The following MYPN variants were observed in gnomAD, a reference collection of about 807,000 sequenced individuals.
The protein encoded by MYPN is myopalladin.
MYPN carries 63 observed loss-of-function variants against 129.4 expected under a neutral mutation model. The ratio of observed to expected loss-of-function variants is 0.49; its 90% CI spans 0.40 to 0.60. The LOEUF (loss-of-function observed/expected upper bound fraction) is 0.60. Ranked by LOEUF, MYPN falls within the 20% of genes least tolerant of loss-of-function variation. The probability of loss-of-function intolerance (pLI) is 0.00; values close to 1 mark genes in which losing one functional copy is unlikely to be tolerated. For synonymous variants in MYPN, 629 were observed against 600.9 expected (o/e 1.05, Z -0.68); for missense variants, 1,596 against 1,635.4 (o/e 0.98, Z 0.42).
chr10:68,207,657 A>G (rs1373028326), intron 19 of MYPN, among the ~76,000 whole-genome samples: 1 of 152,016 alleles, frequency 6.6e-6, no homozygotes, highest in Non-Finnish European at 1.5e-5. Context: ...GAGCTGTCCT[A>G]ATAATAATAA....
At chr10:68,150,993 G>A (rs992481826) in intron 6 of MYPN, among the ~76,000 whole-genome samples, 2 of 152,082 alleles carry the variant, frequency 1.3e-5, no homozygotes, top group African/African-American at 4.8e-5. Flanking sequence ...AGAGTCATTG[G>A]CACTTTTGTT....
At chr10:68,123,491 A>G (rs1239928847) in intron 2 of MYPN, among the ~76,000 whole-genome samples, 1 of 151,094 alleles carries the variant, frequency 6.6e-6, no homozygotes, top group Non-Finnish European at 1.5e-5. Context: ...CCTGGCTAAA[A>G]AGGTGAAACC....
At chr10:68,210,243 T>A (rs1380866707) in intron 19 of MYPN, 43 bp from the exon 20 acceptor site, 1 of 1,609,768 alleles carries the variant, frequency 6.2e-7, no homozygotes, top group Non-Finnish European at 8.5e-7. Context: ...CATGCTGGAC[T>A]GCATTCCTTT....
Position 68,148,360 on chromosome 10 carries a change from A to G in MYPN, c.1138A>G (p.Lys380Glu). Residue 380 changes from lysine (K) to glutamate (E), a missense_variant, in exon 5 of 20, where the codon AAG becomes GAG. Transcript: ENST00000358913. ...ATTTTAATAATTTCTCAGAATCCAG[A>G]AGCCAAATGAGGTGTCATCTCCTCC... ...PNKEEMNRIQ[K>E]PNEVSSPPTT... 6.2e-7 allele frequency: 1 copy of G among 1,612,730 alleles called. No homozygotes were observed. Among genetic ancestry groups the G allele is most frequent in the South Asian group, 1.1e-5 (1 of 91,068 alleles).
intron 14 of MYPN, 85 bp from the exon 15 acceptor site, chr10:68,195,365 G>T (rs980068610): frequency 3.3e-6 from 4 of 1,229,744 alleles, no homozygotes; most frequent in Non-Finnish European, 3.6e-6. Context: ...AAAATTTCAC[G>T]GTGTTCTGGT....
At chr10:68,090,023 G>A (rs2041923962) in intron 1 of MYPN, among the ~76,000 whole-genome samples, 1 of 152,070 alleles carries the variant, frequency 6.6e-6, no homozygotes, top group Admixed American at 6.5e-5. Context: ...ATAGCGCCTT[G>A]CAGGTATTAG....
intron 12 of MYPN, among the ~76,000 whole-genome samples, chr10:68,180,392 C>T (rs2043296209): frequency 6.6e-6 from 1 of 152,164 alleles, no homozygotes; most frequent in Non-Finnish European, 1.5e-5. Flanking sequence ...CACCATTTTG[C>T]CCAGGCTGGT....
At position 68,121,448 on chromosome 10, in the gene MYPN, G is replaced by T; in HGVS notation, c.10G>T (p.Asp4Tyr). 2 of 1,610,256 alleles carry T rather than the reference G, an allele frequency of 1.2e-6. No homozygotes were observed. The highest frequency in any genetic ancestry group is 1.7e-6 in the Non-Finnish European group (2 of 1,178,568). Residue 4 changes from aspartate to tyrosine, a missense_variant, in exon 2 of 20, where the codon GAC becomes TAC. Coordinates refer to ENST00000358913, the MANE Select transcript of MYPN (RefSeq NM_032578.4). MQDDSIEASTSISQ... is the reference protein window; with the variant it reads MQDYSIEASTSISQ... ...ATTATTTTGTGACAGCATGCAAGACGACAGCATAGAAGCTTCTACTTCCAT... is the reference window on the plus strand; with the variant it reads ...ATTATTTTGTGACAGCATGCAAGACTACAGCATAGAAGCTTCTACTTCCAT...
chr10:68,104,572 C>T (rs1365596642), upstream of MYPN, among the ~76,000 whole-genome samples: 1 of 152,176 alleles, frequency 6.6e-6, no homozygotes, highest in Non-Finnish European at 1.5e-5. Context: ...CTCCAGTCTA[C>T]ATATCAATTC....
At chr10:68,097,953 T>C (rs1248220641) in intron 1 of MYPN, among the ~76,000 whole-genome samples, 1 of 152,148 alleles carries the variant, frequency 6.6e-6, no homozygotes, top group Non-Finnish European at 1.5e-5. Flanking sequence ...TCCTTAAAGA[T>C]CTCAATTTTA....
At chr10:68,141,558 A>G (rs2042579483) in intron 2 of MYPN, among the ~76,000 whole-genome samples, 1 of 152,184 alleles carries the variant, frequency 6.6e-6, no homozygotes, top group Non-Finnish European at 1.5e-5. Flanking sequence ...ATTATTTCAA[A>G]AAATGAAAAA....
At chr10:68,202,035 TG>T (rs2043724315) in intron 18 of MYPN, 41 bp downstream of exon 18, 2 of 1,611,206 alleles carry the variant, frequency 1.2e-6, no homozygotes, top group Non-Finnish European at 8.5e-7. Context: ...CCACTCTCAG[TG>T]GGGCTTGTTG....
intron 7 of MYPN, among the ~76,000 whole-genome samples, chr10:68,161,044 C>T (rs559060423): frequency 2.6e-5 from 4 of 152,322 alleles, no homozygotes; most frequent in African/African-American, 9.6e-5. Flanking sequence ...AGAACAATCT[C>T]TCAATCTTCA....
At chr10:68,106,868 G>A (rs1165883936), upstream of MYPN, 11 of 711,436 alleles carry the variant, frequency 1.5e-5, no homozygotes, top group Middle Eastern at 2.3e-4. Context: ...GCACAGGATC[G>A]TGTTCAAACC....
At chr10:68,130,163 A>T (rs954861629) in intron 2 of MYPN, among the ~76,000 whole-genome samples, 13 of 152,178 alleles carry the variant, frequency 8.5e-5, no homozygotes, top group Admixed American at 6.5e-4. Context: ...TAAAACTTTT[A>T]AAATATCCTG....
At chr10:68,143,246 G>A (rs2042605818) in intron 3 of MYPN, 131 bp downstream of exon 3, 3 of 799,150 alleles carry the variant, frequency 3.8e-6, no homozygotes, top group Admixed American at 2.4e-5. Context: ...GAACCGAGTA[G>A]AACAAAAATA....
rs886039179 is a variant in MYPN, at chr10:68,174,069, T to C, written c.1977T>C (p.Asp659=). The change falls in exon 11 of 20, where the codon GAT becomes GAC. Residue 659 remains aspartate, a synonymous_variant. Coordinates refer to ENST00000358913, the MANE Select transcript of MYPN (RefSeq NM_032578.4). ...TCCACCCTTGTTTTGTGTACAGTGA[T>C]TCCACTCAGTTACAACAGCTTCATA... is the stretch of plus-strand genomic sequence containing the variant. The part of the protein sequence containing the change: ...PPPVLAKPKL[D]STQLQQLHNQ... The C allele has an allele frequency of 8.1e-6, 13 of 1,611,720 alleles. No individual in the cohort carries two copies. Among genetic ancestry groups the C allele is most frequent in the Non-Finnish European group, 1.1e-5 (13 of 1,177,844 alleles).
intron 6 of MYPN, among the ~76,000 whole-genome samples, chr10:68,154,794 C>T (rs114390533): frequency 1.2e-4 from 19 of 152,316 alleles, no homozygotes; most frequent in African/African-American, 4.3e-4. Flanking sequence ...TATAGATCTA[C>T]TAAGCAAGAA....
Position 68,121,909 on chromosome 10 carries a change from C to G in MYPN, c.471C>G (p.Phe157Leu). 1 of 1,614,206 alleles carries G rather than the reference C, an allele frequency of 6.2e-7. No homozygotes were observed. The highest frequency in any genetic ancestry group is 8.5e-7 in the Non-Finnish European group (1 of 1,180,036). The change falls in exon 2 of 20, where the codon TTC (phenylalanine) becomes TTG (leucine). Residue 157 changes from phenylalanine to leucine, a missense_variant. Transcript: ENST00000358913. ...TATTTTTAAATAAGGCTGCCGACTTCATTGAAGAGCTATCCTCCCTTTTCA... is the reference window on the plus strand; with the variant it reads ...TATTTTTAAATAAGGCTGCCGACTTGATTGAAGAGCTATCCTCCCTTTTCA... ...KKVFLNKAAD[F>L]IEELSSLFKS... is the part of the protein sequence containing the mutation.
Sources: allele counts gnomAD v4.1 joint callset (sites outside exome capture counted in the v4.1 genomes callset), GRCh38; gene constraint gnomAD v4.1.1; transcripts MANE v1.5; gene names NCBI Gene and HGNC (gene_info 2026-07-23, HGNC 2026-07-21).